Variants in SPIDR observed in about 807,000 individuals in gnomAD.
SPIDR encodes DNA repair-scaffolding protein.
A neutral mutation model predicts 104.6 loss-of-function variants in SPIDR; 93 were observed. That is an observed-to-expected ratio of 0.89 (90% CI 0.75 to 1.06). The LOEUF (loss-of-function observed/expected upper bound fraction) is 1.06, where lower values mean the gene tolerates loss of function less well. Among genes scored for constraint, SPIDR ranks in the 50% least tolerant of loss-of-function variants. SPIDR has a pLI of 0.00. For missense variants in SPIDR, 1,154 were observed against 1,111.2 expected (o/e 1.04, Z -0.55); for synonymous variants, 431 against 416.9 (o/e 1.03, Z -0.41).
chr8:47,415,480 C>G (rs2064127659), intron 7 of SPIDR, among the ~76,000 whole-genome samples: 1 of 152,056 alleles, frequency 6.6e-6, no homozygotes, highest in South Asian at 2.1e-4. Flanking sequence ...TTTTTGTATG[C>G]TCCCAAAATT....
chr8:47,320,383 C>A (rs2046317351), intron 5 of SPIDR, among the ~76,000 whole-genome samples: 2 of 152,164 alleles, frequency 1.3e-5, no homozygotes, highest in African/African-American at 2.4e-5. Flanking sequence ...ATACACCCTC[C>A]CAAGACTAAA....
chr8:47,317,093 C>A (rs1186751657), intron 5 of SPIDR, among the ~76,000 whole-genome samples: 1 of 152,036 alleles, frequency 6.6e-6, no homozygotes, highest in Non-Finnish European at 1.5e-5. Context: ...TGGGGAGTGT[C>A]GGAAAGTTGG....
Position 47,558,725 on chromosome 8 carries a change from C to T in SPIDR, c.1098-37086C>T, listed in dbSNP as rs752652992. 2.0e-5 allele frequency among the ~76,000 whole-genome samples: 3 copies of T among 152,050 alleles called. No homozygotes were observed. In the South Asian group the frequency reaches 6.2e-4, roughly 31 times the overall value. On this transcript the variant is annotated intron_variant, in intron 8 of 19. Transcript: ENST00000297423. ...CACGATCTCAGCTCAGTGCAAGCTC[C>T]GCCTCCTGGGTTCACACCATTCTCC...
intron 5 of SPIDR, among the ~76,000 whole-genome samples, chr8:47,376,603 T>TC (rs1405929296): frequency 6.6e-6 from 1 of 152,188 alleles, no homozygotes; most frequent in Non-Finnish European, 1.5e-5. Context: ...AGTGGCAGGA[T>TC]CCCATACATC....
At chr8:47,580,771 A>C (rs957195739) in intron 8 of SPIDR, among the ~76,000 whole-genome samples, 1 of 152,110 alleles carries the variant, frequency 6.6e-6, no homozygotes, top group Non-Finnish European at 1.5e-5. Context: ...GCCTTCCTCT[A>C]TTCCCTGTAA....
chr8:47,702,682 C>G (rs2080477325), intron 14 of SPIDR, among the ~76,000 whole-genome samples: 1 of 152,202 alleles, frequency 6.6e-6, no homozygotes, highest in South Asian at 2.1e-4. Context: ...CCATGTAGAT[C>G]TAATCACCCA....
At chr8:47,453,129 G>A (rs927849087) in intron 8 of SPIDR, among the ~76,000 whole-genome samples, 1 of 152,118 alleles carries the variant, frequency 6.6e-6, no homozygotes, top group Non-Finnish European at 1.5e-5. Flanking sequence ...CAAAGAGAAT[G>A]AAATACCTGG....
intron 10 of SPIDR, among the ~76,000 whole-genome samples, chr8:47,661,568 G>A (rs2074109696): frequency 6.6e-6 from 1 of 152,182 alleles, no homozygotes; most frequent in South Asian, 2.1e-4. Context: ...CAGATCTCTT[G>A]AGCCCGCCGT....
At chr8:47,357,420 C>T (rs192160691) in intron 5 of SPIDR, among the ~76,000 whole-genome samples, 4 of 152,280 alleles carry the variant, frequency 2.6e-5, no homozygotes, top group African/African-American at 9.6e-5. Flanking sequence ...GTGTATGTCT[C>T]GTGGTTACTT....
intron 8 of SPIDR, among the ~76,000 whole-genome samples, chr8:47,580,903 G>A (rs1281377827): frequency 1.3e-5 from 2 of 152,184 alleles, no homozygotes; most frequent in Non-Finnish European, 2.9e-5. Context: ...TTGTATTCTA[G>A]AAGTTCAGTT....
rs1464433110 is a variant in SPIDR, at chr8:47,261,016, G to T, written c.33+25G>T. On this transcript the variant is annotated intron_variant, in intron 1 of 19. Coordinates refer to ENST00000297423, the MANE Select transcript of SPIDR (RefSeq NM_001080394.4). ...GGTAGGCTCTGGGGCGGGAGTGGGC[G>T]CCGCGCCGTTTCCCGCGTTGCGGGG... 2.4e-6 allele frequency: 3 copies of T among 1,226,900 alleles called. No homozygotes were observed. The African/African-American group carries it at 4.7e-5, about 19-fold the overall frequency. 76.0% of individuals were successfully genotyped at this position (1,226,900 alleles called of 1,614,324 possible).
chr8:47,501,054 T>G (rs1441071508), intron 8 of SPIDR, among the ~76,000 whole-genome samples: 1 of 152,226 alleles, frequency 6.6e-6, no homozygotes, highest in Non-Finnish European at 1.5e-5. Context: ...GGCCTTGTAG[T>G]ATAGTTTGAA....
In SPIDR at chr8:47,398,752, A is replaced by T. The variant is rs567482193; in HGVS notation, c.776+2126A>T. On this transcript the variant is annotated intron_variant, in intron 6 of 19. Transcript: ENST00000297423. ...CATGAGCTAGGTCAGGTCACAGGAG[A>T]TCCAGTGCTGGGCGAGAGGAGAACC... is the stretch of plus-strand genomic sequence containing the variant. Among the ~76,000 whole-genome samples the T allele has an allele frequency of 1.4e-4, 22 of 152,248 alleles. No individual in the cohort carries two copies. In the South Asian group the frequency reaches 4.3e-3, roughly 30 times the overall value.
At chr8:47,509,258 TC>T (rs1430951802) in intron 8 of SPIDR, among the ~76,000 whole-genome samples, 10 of 152,202 alleles carry the variant, frequency 6.6e-5, no homozygotes, top group African/African-American at 1.7e-4. Context: ...CCATTCCTGT[TC>T]TTGTAGAAAT....
intron 10 of SPIDR, among the ~76,000 whole-genome samples, chr8:47,668,812 A>T (rs2075372623): frequency 6.6e-6 from 1 of 152,242 alleles, no homozygotes; most frequent in Non-Finnish European, 1.5e-5. Flanking sequence ...CACACCAGCA[A>T]CACACAACAA....
intron 5 of SPIDR, among the ~76,000 whole-genome samples, chr8:47,297,651 C>A (rs2041135963): frequency 6.6e-6 from 1 of 152,082 alleles, no homozygotes; most frequent in Non-Finnish European, 1.5e-5. Flanking sequence ...TGTTCCCCTT[C>A]CTGTGTCCAT....
intron 5 of SPIDR, among the ~76,000 whole-genome samples, chr8:47,340,963 TG>T (rs2050642775): frequency 6.6e-6 from 1 of 152,202 alleles, no homozygotes; most frequent in Non-Finnish European, 1.5e-5. Context: ...TTAAACTAGT[TG>T]TAAGTGTAGC....
intron 8 of SPIDR, among the ~76,000 whole-genome samples, chr8:47,571,153 G>T (rs2058475897): frequency 6.6e-6 from 1 of 152,098 alleles, no homozygotes; most frequent in South Asian, 2.1e-4. Context: ...CTTGAGGGTG[G>T]GAGAAATGGA....
chr8:47,361,699 T>G (rs1587691079), intron 5 of SPIDR, among the ~76,000 whole-genome samples: 1 of 152,140 alleles, frequency 6.6e-6, no homozygotes, highest in East Asian at 1.9e-4. Context: ...TGAGAGTCAC[T>G]GAGATCTCAG....
Sources: allele counts gnomAD v4.1 joint callset (sites outside exome capture counted in the v4.1 genomes callset), GRCh38; gene constraint gnomAD v4.1.1; transcripts MANE v1.5; gene names NCBI Gene and HGNC (gene_info 2026-07-23, HGNC 2026-07-21).